Variants in NRG1 observed in about 807,000 individuals in gnomAD.
NRG1 encodes neuregulin 1.
A neutral mutation model predicts 63.8 loss-of-function variants in NRG1; 18 were observed. The observed-to-expected ratio is 0.28, with a 90% CI of 0.19 to 0.42. The LOEUF (loss-of-function observed/expected upper bound fraction) is 0.42. NRG1 is among the 10% of genes least tolerant of loss of function. NRG1 has a pLI of 1.00. For synonymous variants in NRG1, 302 were observed against 301.3 expected (o/e 1.00, Z -0.02); for missense variants, 762 against 814.7 (o/e 0.94, Z 0.79).
chr8:32,526,258 T>G (rs1283702436), intron 1 of NRG1, among the ~76,000 whole-genome samples: 1 of 152,208 alleles, frequency 6.6e-6, no homozygotes, highest in Non-Finnish European at 1.5e-5. Context: ...TAGTTCCTGA[T>G]GAGCTGATGA....
chr8:31,946,403 A>G (rs1585975192), intron 1 of NRG1, among the ~76,000 whole-genome samples: 1 of 152,208 alleles, frequency 6.6e-6, no homozygotes, highest in African/African-American at 2.4e-5. Flanking sequence ...AAGATCATGC[A>G]TGGGGATTTT....
intron 1 of NRG1, among the ~76,000 whole-genome samples, chr8:31,854,349 AT>A (rs1230800151): frequency 1.3e-5 from 2 of 152,192 alleles, no homozygotes; most frequent in African/African-American, 4.8e-5. Context: ...GGGAGAGTGT[AT>A]GTGTCCAGAA....
At chr8:32,122,204 A>G (rs1437204655) in intron 1 of NRG1, among the ~76,000 whole-genome samples, 1 of 151,982 alleles carries the variant, frequency 6.6e-6, no homozygotes, top group Non-Finnish European at 1.5e-5. Flanking sequence ...TATGGGGGGA[A>G]ATAAACAACA....
At chr8:32,027,350 G>A (rs1817542340) in intron 1 of NRG1, among the ~76,000 whole-genome samples, 1 of 151,778 alleles carries the variant, frequency 6.6e-6, no homozygotes, top group Non-Finnish European at 1.5e-5. Flanking sequence ...ATTGAGCTGG[G>A]TGTCTCTATT....
chr8:31,756,263 C>T (rs1483667282), intron 1 of NRG1, among the ~76,000 whole-genome samples: 2 of 152,100 alleles, frequency 1.3e-5, no homozygotes, highest in African/African-American at 2.4e-5. Flanking sequence ...TCTCTGATAA[C>T]ACACTCATAA....
chr8:32,222,337 C>T (rs1285705597), intron 1 of NRG1, among the ~76,000 whole-genome samples: 1 of 152,042 alleles, frequency 6.6e-6, no homozygotes, highest in Non-Finnish European at 1.5e-5. Context: ...CTCCTTCCTT[C>T]TCTGCCTCTT....
chr8:31,747,339 A>T (rs1485730865), intron 1 of NRG1, among the ~76,000 whole-genome samples: 2 of 151,776 alleles, frequency 1.3e-5, no homozygotes, highest in African/African-American at 2.4e-5. Flanking sequence ...GTGTTGTGGG[A>T]TTTCACACAA....
intron 1 of NRG1, among the ~76,000 whole-genome samples, chr8:32,355,959 G>A (rs898121853): frequency 2.0e-5 from 3 of 152,120 alleles, no homozygotes; most frequent in Non-Finnish European, 2.9e-5. Flanking sequence ...TGTTGTGCAC[G>A]TGCGCGTGTG....
chr8:31,704,090 A>T (rs1264615185), intron 1 of NRG1, among the ~76,000 whole-genome samples: 1 of 152,162 alleles, frequency 6.6e-6, no homozygotes, highest in East Asian at 1.9e-4. Context: ...TCTGACACAT[A>T]TCAGATTTAT....
intron 1 of NRG1, among the ~76,000 whole-genome samples, chr8:32,250,979 T>A (rs1872800): frequency 0.67 from 102,384 of 151,822 alleles, 34,970 homozygotes; most frequent in Admixed American, 0.76. Flanking sequence ...ATGGTTCATG[T>A]TAATTGGAGG....
At chr8:32,681,209 A>G (rs1481899698) in intron 5 of NRG1, among the ~76,000 whole-genome samples, 1 of 152,196 alleles carries the variant, frequency 6.6e-6, no homozygotes, top group Admixed American at 6.5e-5. Context: ...GATTTTATAG[A>G]TAATTGCTGT....
intron 5 of NRG1, among the ~76,000 whole-genome samples, chr8:32,714,454 T>C (rs1818652184): frequency 6.6e-6 from 1 of 152,166 alleles, no homozygotes; most frequent in Non-Finnish European, 1.5e-5. Flanking sequence ...ATATTTGGAT[T>C]CAAGATGGAC....
chr8:32,219,962 G>T (rs1000487661), intron 1 of NRG1, among the ~76,000 whole-genome samples: 2 of 152,174 alleles, frequency 1.3e-5, no homozygotes, highest in African/African-American at 4.8e-5. Context: ...AGATCACCAA[G>T]AATAGAAGAG....
chr8:31,708,839 C>A (rs1232038797), intron 1 of NRG1, among the ~76,000 whole-genome samples: 2 of 151,892 alleles, frequency 1.3e-5, no homozygotes, highest in East Asian at 1.9e-4. Flanking sequence ...GACCCTTGAA[C>A]AATGGGGTTA....
At chr8:32,498,284 G>T (rs2129495990) in intron 1 of NRG1, among the ~76,000 whole-genome samples, 1 of 152,242 alleles carries the variant, frequency 6.6e-6, no homozygotes, top group East Asian at 1.9e-4. Flanking sequence ...GAAAATGTAT[G>T]AGAGAAACTA....
At chr8:31,814,585 A>G (rs1823255155) in intron 1 of NRG1, among the ~76,000 whole-genome samples, 2 of 151,858 alleles carry the variant, frequency 1.3e-5, no homozygotes, top group African/African-American at 4.8e-5. Flanking sequence ...GTTCACTGGG[A>G]ATATTATATG....
intron 1 of NRG1, among the ~76,000 whole-genome samples, chr8:31,950,527 G>C (rs1183588385): frequency 6.6e-6 from 1 of 152,190 alleles, no homozygotes; most frequent in Non-Finnish European, 1.5e-5. Context: ...GCAGCAGCTG[G>C]AACAGTTCAA....
intron 1 of NRG1, among the ~76,000 whole-genome samples, chr8:32,026,847 TTG>T (rs1259964945): frequency 6.6e-6 from 1 of 152,142 alleles, no homozygotes; most frequent in Non-Finnish European, 1.5e-5. Flanking sequence ...TCTGTTAACA[TTG>T]TGTTGGATTT....
At chr8:32,336,705 G>T (rs767114343) in intron 1 of NRG1, among the ~76,000 whole-genome samples, 1 of 152,100 alleles carries the variant, frequency 6.6e-6, no homozygotes, top group African/African-American at 2.4e-5. Context: ...CGCCTCCCAG[G>T]TTCCAGCGAT....
Sources: allele counts gnomAD v4.1 joint callset (sites outside exome capture counted in the v4.1 genomes callset), GRCh38; gene constraint gnomAD v4.1.1; transcripts MANE v1.5; gene names NCBI Gene and HGNC (gene_info 2026-07-23, HGNC 2026-07-21).